SGK2: variants seen among roughly 807,000 people sequenced by gnomAD.
SGK2 encodes the protein serine/threonine-protein kinase Sgk2.
In SGK2, 36 loss-of-function variants were observed where a neutral mutation model predicts 47.5. That is an observed-to-expected ratio of 0.76 (90% confidence interval 0.58 to 1.00). The LOEUF is 1.00. Ranked by LOEUF, SGK2 falls within the 50% of genes least tolerant of loss-of-function variation. The pLI is 0.00. For synonymous variants in SGK2, 157 were observed against 181.9 expected (o/e 0.86, Z 1.10); for missense variants, 404 against 467.4 (o/e 0.86, Z 1.25).
chr20:43,568,139 T>C (rs566847692), intron 5 of SGK2, 140 bp downstream of exon 5: 1 of 651,218 alleles, frequency 1.5e-6, no homozygotes, highest in South Asian at 1.9e-5. Context: ...AGAGGGGAGG[T>C]GGTACGCAGG....
intron 8 of SGK2, among the ~76,000 whole-genome samples, chr20:43,571,570 C>T (rs1980130990): frequency 6.6e-6 from 1 of 152,080 alleles, no homozygotes; most frequent in Admixed American, 6.6e-5. Context: ...GGCCTTTGTG[C>T]CCCTGGACAT....
At position 43,574,934 on chromosome 20, in the gene SGK2, A is replaced by G. The variant is rs1980371895; in HGVS notation, c.623A>G (p.Lys208Arg). The G allele has an allele frequency of 6.2e-7, 1 of 1,613,688 alleles. No individual in the cohort carries two copies. The change falls in exon 10 of 13, where the codon AAA (lysine) becomes AGA (arginine). Residue 208 changes from lysine to arginine, a missense_variant. Lys to Arg is a conservative substitution (Grantham distance 26). Transcript: ENST00000373100. ...PEYLAPEVLR[K>R]EPYDRAVDWW... ...TACTTGGCACCTGAAGTGCTTCGGA[A>G]AGAGCCTTATGATCGAGCAGTGGAC...
At chr20:43,571,638 G>C (rs1980137635) in intron 8 of SGK2, among the ~76,000 whole-genome samples, 1 of 152,132 alleles carries the variant, frequency 6.6e-6, no homozygotes, top group Non-Finnish European at 1.5e-5. Flanking sequence ...TAGCAGCAGG[G>C]GGATGGGGAT....
intron 2 of SGK2, 92 bp from the exon 3 acceptor site, chr20:43,566,976 A>T (rs983823283): frequency 1.0e-6 from 1 of 996,390 alleles, no homozygotes; most frequent in Non-Finnish European, 1.6e-6. Flanking sequence ...GGCCTAGTAG[A>T]GTTGTTGGAG....
At chr20:43,571,145 C>T (rs1343899369) in intron 8 of SGK2, 85 bp downstream of exon 8, 11 of 1,585,374 alleles carry the variant, frequency 6.9e-6, no homozygotes, top group Non-Finnish European at 6.9e-6. Flanking sequence ...AGTCTGTGTA[C>T]ATGGGTGTGC....
chr20:43,580,324 G>C (rs1398497095), intron 12 of SGK2, among the ~76,000 whole-genome samples: 1 of 152,164 alleles, frequency 6.6e-6, no homozygotes, highest in Non-Finnish European at 1.5e-5. Context: ...GAAGTGCTCT[G>C]TTTCGCACAG....
chr20:43,583,594 A>G, intron 12 of SGK2: 1 of 985,308 alleles, frequency 1.0e-6, no homozygotes. Context: ...ACTTCATAAA[A>G]CCCAGGCCTC....
chr20:43,566,180 C>G (rs1979696293), intron 1 of SGK2: 1 of 665,710 alleles, frequency 1.5e-6, no homozygotes, highest in Non-Finnish European at 2.6e-6. Context: ...TCACAGGGGT[C>G]TTGTTGCCCT....
At chr20:43,568,773 A>C (rs1320244474) in intron 5 of SGK2, among the ~76,000 whole-genome samples, 2 of 152,202 alleles carry the variant, frequency 1.3e-5, no homozygotes, top group Non-Finnish European at 2.9e-5. Flanking sequence ...ACTCAGCCCC[A>C]TCATGGATTT....
Position 43,574,473 on chromosome 20 carries a change from C to T in SGK2, c.598-436C>T, listed in dbSNP as rs549335890. Among the ~76,000 whole-genome samples the T allele has an allele frequency of 9.2e-5, 14 of 152,324 alleles. No homozygotes were observed. The South Asian group carries it at 1.0e-3, about 11-fold the overall frequency. Reference sequence around the variant, plus strand: ...CCCGGGGCCTTCCGTTCCCAGGACACGGATAGCCAGTTGAATGCCTTTGCA... The same window carrying T: ...CCCGGGGCCTTCCGTTCCCAGGACATGGATAGCCAGTTGAATGCCTTTGCA... On this transcript the variant is annotated intron_variant, in intron 9 of 12. Coordinates refer to ENST00000373100, the MANE Select transcript of SGK2 (RefSeq NM_170693.3).
chr20:43,582,377 T>C (rs1568679540), intron 12 of SGK2, among the ~76,000 whole-genome samples: 1 of 151,652 alleles, frequency 6.6e-6, no homozygotes, highest in Non-Finnish European at 1.5e-5. Flanking sequence ...TTCATTTTTA[T>C]TTTTATTTTT....
At chr20:43,584,536 T>G (rs1283433553) in intron 12 of SGK2, among the ~76,000 whole-genome samples, 1 of 152,174 alleles carries the variant, frequency 6.6e-6, no homozygotes, top group Non-Finnish European at 1.5e-5. Context: ...CCCCACACAA[T>G]GTAAGCTCCA....
rs1310451330 is a variant in SGK2, at chr20:43,569,316, TG to T, written c.229-66del. Reference sequence around the variant, plus strand: ...GATGACCCCCACCCACAAGCTTATATGGGCTGAGCCGGGATAAAAGAGGCTG... The same window carrying T: ...GATGACCCCCACCCACAAGCTTATATGGCTGAGCCGGGATAAAAGAGGCTG... On this transcript the variant is annotated intron_variant, in intron 5 of 12. Coordinates refer to ENST00000373100, the MANE Select transcript of SGK2 (RefSeq NM_170693.3). The T allele has an allele frequency of 1.9e-6, 3 of 1,585,978 alleles. No individual in the cohort carries two copies. The African/African-American group carries it at 4.0e-5, about 21-fold the overall frequency.
chr20:43,579,924 T>A (rs537487965), intron 11 of SGK2, 48 bp from the exon 12 acceptor site: 2 of 1,255,898 alleles, frequency 1.6e-6, no homozygotes, highest in South Asian at 2.4e-5. Flanking sequence ...AGAGCACCCA[T>A]GGGGAGGGCT....
intron 5 of SGK2, among the ~76,000 whole-genome samples, chr20:43,569,100 A>G (rs1329437287): frequency 2.0e-5 from 3 of 152,190 alleles, no homozygotes; most frequent in East Asian, 1.9e-4. Flanking sequence ...GGCATCACAC[A>G]TGCTTTGCTT....
At chr20:43,584,776 C>A in intron 12 of SGK2, 76 bp from the exon 13 acceptor site, 2 of 1,178,182 alleles carry the variant, frequency 1.7e-6, no homozygotes, top group Non-Finnish European at 2.5e-6. Context: ...GGCCTGACAT[C>A]CCTCTCTGAG....
intron 7 of SGK2, 47 bp downstream of exon 7, chr20:43,570,776 C>A: frequency 6.9e-7 from 1 of 1,448,894 alleles, no homozygotes; most frequent in South Asian, 1.2e-5. Flanking sequence ...CCTTCTTGCT[C>A]CAACAGCTAG....
intron 1 of SGK2, among the ~76,000 whole-genome samples, chr20:43,561,015 G>T (rs935395291): frequency 6.6e-6 from 1 of 152,222 alleles, no homozygotes; most frequent in African/African-American, 2.4e-5. Flanking sequence ...ACTGGTATCA[G>T]AGTGACTAAC....
rs756667583 is a variant in SGK2, at chr20:43,569,456, C to T, written c.300C>T (p.Arg100=). Residue 100 remains arginine, a synonymous_variant, in exon 6 of 13, where the codon CGC becomes CGT. Coordinates refer to ENST00000373100, the MANE Select transcript of SGK2 (RefSeq NM_170693.3). The part of the protein sequence containing the change: ...NVRHPFLVGL[R]YSFQTPEKLY... ...GGCACCCCTTCCTCGTGGGCCTGCG[C>T]TACTCCTTCCAGACACCTGAGAAGC... is the stretch of plus-strand genomic sequence containing the variant. 3.3e-5 allele frequency: 54 copies of T among 1,613,822 alleles called. No individual in the cohort carries two copies. Among genetic ancestry groups the T allele is most frequent in the Non-Finnish European group, 4.5e-5 (53 of 1,180,026 alleles).
Sources: gnomAD v4.1 joint callset for allele counts (sites outside exome capture counted in the v4.1 genomes callset) on GRCh38, gnomAD v4.1.1 for gene constraint, MANE v1.5 for transcripts, NCBI Gene and HGNC (gene_info 2026-07-23, HGNC 2026-07-21) for gene names.